FLNB: variants seen among roughly 807,000 people sequenced by gnomAD.
The protein encoded by FLNB is filamin-B.
A neutral mutation model predicts 250.6 loss-of-function variants in FLNB; 111 were observed. That is an observed-to-expected ratio of 0.44 (90% CI 0.38 to 0.52). FLNB has a LOEUF of 0.52. Ranked by LOEUF, FLNB falls within the 20% of genes least tolerant of loss-of-function variation. The pLI is 0.00. For synonymous variants in FLNB, 1,302 were observed against 1,372.1 expected, an observed-to-expected ratio of 0.95 and a Z score of 1.13; for missense variants, 2,869 against 3,447.8, an observed-to-expected ratio of 0.83 and a Z score of 4.20.
chr3:58,155,636 T>G (rs1224047751), intron 40 of FLNB, among the ~76,000 whole-genome samples: 2 of 152,212 alleles, frequency 1.3e-5, no homozygotes, highest in African/African-American at 4.8e-5. Context: ...TTGTCAACAT[T>G]TCTGAAGAAA....
In FLNB at chr3:58,110,068, C is replaced by G. The variant is rs146159035; in HGVS notation, c.2382C>G (p.Asp794Glu). 1 of 1,613,948 alleles carries G rather than the reference C, an allele frequency of 6.2e-7. No homozygotes were observed. The change falls in exon 16 of 46, where the codon GAC (aspartate) becomes GAG (glutamate). Residue 794 changes from aspartate (D) to glutamate (E), a missense_variant. This residue lies in a region of FLNB where 1,348 missense variants were observed against 1,466.7 expected (regional missense o/e 0.92). Transcript: ENST00000295956. ...DARVLSEDEE[D>E]VDFDIIHNAN... is the part of the protein sequence containing the mutation. The stretch of plus-strand genomic sequence containing the variant: ...GGGTGTTAAGTGAAGATGAGGAAGA[C>G]GTGGATTTTGACATTATTCACAATG...
intron 1 of FLNB, among the ~76,000 whole-genome samples, chr3:58,060,410 G>C (rs1379494948): frequency 6.7e-6 from 1 of 148,748 alleles, no homozygotes; most frequent in East Asian, 2.0e-4. Flanking sequence ...CTGGAGTGCA[G>C]TGGCGCAATC....
chr3:58,060,969 G>A (rs1187613345), intron 1 of FLNB, among the ~76,000 whole-genome samples: 1 of 152,118 alleles, frequency 6.6e-6, no homozygotes, highest in African/African-American at 2.4e-5. Context: ...GGGTGTGTCT[G>A]GTGAGGAATG....
rs201509521 is a variant in FLNB, at chr3:58,134,665, G to A, written c.4564G>A (p.Ala1522Thr). ...CACATATGATGCCAGCAAAGTGACTGCCAGTGGCCCCGGCCTTAGTTCCTA... is the reference window on the plus strand; with the variant it reads ...CACATATGATGCCAGCAAAGTGACTACCAGTGGCCCCGGCCTTAGTTCCTA... ...LPTYDASKVT[A>T]SGPGLSSYGV... The change falls in exon 27 of 46, where the codon GCC (alanine) becomes ACC (threonine). Residue 1522 changes from alanine to threonine, a missense_variant. This residue lies in a region of FLNB where 126 missense variants were observed against 182.0 expected (regional missense o/e 0.69). Coordinates refer to ENST00000295956, the MANE Select transcript of FLNB (RefSeq NM_001457.4). 6.2e-7 allele frequency: 1 copy of A among 1,614,154 alleles called. No individual in the cohort carries two copies. The highest frequency in any genetic ancestry group is 2.2e-5 in the East Asian group (1 of 44,886).
chr3:58,136,756 T>C (rs2097316838), intron 28 of FLNB, among the ~76,000 whole-genome samples: 1 of 139,964 alleles, frequency 7.1e-6, no homozygotes, highest in Non-Finnish European at 1.5e-5. Flanking sequence ...CTTTTTTTTT[T>C]TTTTTTTTTT....
At chr3:58,059,115 G>A (rs971852424) in intron 1 of FLNB, among the ~76,000 whole-genome samples, 1 of 152,164 alleles carries the variant, frequency 6.6e-6, no homozygotes, top group African/African-American at 2.4e-5. Flanking sequence ...TTAGTCTAGT[G>A]TGCCCCCAGT....
At chr3:58,074,236 G>A (rs2097198634) in intron 1 of FLNB, among the ~76,000 whole-genome samples, 2 of 152,218 alleles carry the variant, frequency 1.3e-5, no homozygotes, top group Non-Finnish European at 2.9e-5. Flanking sequence ...CCCCAGGCCT[G>A]TTAAATCAGA....
chr3:58,138,486 G>A lies in FLNB; in HGVS notation c.5066G>A (p.Arg1689His), dbSNP rs139001404. The A allele has an allele frequency of 1.4e-5, 22 of 1,614,020 alleles. No homozygotes were observed. The highest frequency in any genetic ancestry group is 3.3e-5 in the Admixed American group (2 of 60,012). ...AKPGTYVIYV[R>H]FGGVDIPNSP... ...CCGGGCACATATGTGATCTATGTGC[G>A]CTTCGGTGGTGTTGATATTCCTAAC... Residue 1689 changes from arginine to histidine, a missense_variant, in exon 29 of 46, where the codon CGC becomes CAC. Physicochemically the swap from Arg to His is conservative, Grantham distance 29. Coordinates refer to ENST00000295956, the MANE Select transcript of FLNB (RefSeq NM_001457.4).
chr3:58,128,132 G>A (rs1362722282), intron 24 of FLNB, among the ~76,000 whole-genome samples: 1 of 152,194 alleles, frequency 6.6e-6, no homozygotes, highest in Non-Finnish European at 1.5e-5. Context: ...GAGAGGGGAA[G>A]GGCAGGTTGA....
At position 58,027,430 on chromosome 3, in the gene FLNB, C is replaced by T. The variant is rs7637371; in HGVS notation, c.292+18574C>T. Among the ~76,000 whole-genome samples, 1,017 of 152,230 alleles carry T rather than the reference C, an allele frequency of 6.7e-3. 3 individuals are homozygous for T. Among genetic ancestry groups the T allele is most frequent in the Non-Finnish European group, 0.011 (743 of 68,014 alleles). ...TGTTAGGATTACAGGTGTGAGCCAC[C>T]GTGCCTGGCCTCAGCTAACTTTTGT... On this transcript the variant is annotated intron_variant, in intron 1 of 45. Coordinates refer to ENST00000295956, the MANE Select transcript of FLNB (RefSeq NM_001457.4).
intron 1 of FLNB, among the ~76,000 whole-genome samples, chr3:58,056,503 T>C (rs1559662228): frequency 6.6e-6 from 1 of 152,200 alleles, no homozygotes; most frequent in Admixed American, 6.5e-5. Flanking sequence ...TGTTGGTGTT[T>C]ATTGCTGTAA....
rs1023465294 is a variant in FLNB at position 58,108,405 on chromosome 3, G to A, written c.1942-53G>A. On this transcript the variant is annotated intron_variant, in intron 12 of 45. Coordinates refer to ENST00000295956, the MANE Select transcript of FLNB (RefSeq NM_001457.4). ...CCCTGGTTACCTGTCTTTGTATAAG[G>A]GTTTAGTTGGGGCATTACACAGAAA... 2.6e-6 allele frequency: 3 copies of A among 1,147,406 alleles called. No homozygotes were observed. In the Admixed American group the frequency reaches 5.3e-5, roughly 20 times the overall value. 71.1% of individuals were successfully genotyped at this position (1,147,406 alleles called of 1,614,324 possible).
At chr3:58,132,472 CA>C in intron 25 of FLNB, 1 of 435,998 alleles carries the variant, frequency 2.3e-6, no homozygotes, top group Non-Finnish European at 4.2e-6. Context: ...CGTGCCTAAC[CA>C]GCTTGAAAGG....
chr3:58,073,723 T>G (rs1269871585), intron 1 of FLNB, among the ~76,000 whole-genome samples: 2 of 152,170 alleles, frequency 1.3e-5, no homozygotes, highest in Non-Finnish European at 2.9e-5. Context: ...AGGTGCCATC[T>G]AGGGTGTGTT....
intron 1 of FLNB, among the ~76,000 whole-genome samples, chr3:58,051,809 A>G (rs866629704): frequency 3.9e-5 from 6 of 152,102 alleles, no homozygotes; most frequent in Non-Finnish European, 8.8e-5. Flanking sequence ...CCAAGGTCAT[A>G]TCCCCGGCAT....
chr3:58,056,807 T>G (rs1056699448), intron 1 of FLNB, among the ~76,000 whole-genome samples: 1 of 152,020 alleles, frequency 6.6e-6, no homozygotes, highest in Non-Finnish European at 1.5e-5. Flanking sequence ...GTCAGGATAG[T>G]CTTGATCTCC....
intron 29 of FLNB, among the ~76,000 whole-genome samples, chr3:58,140,613 T>C (rs2097325245): frequency 1.3e-5 from 2 of 152,158 alleles, no homozygotes; most frequent in Non-Finnish European, 1.5e-5. Context: ...ATTAAATCTT[T>C]TTTGTTTTTT....
chr3:58,144,859 G>A (rs188847901), intron 32 of FLNB, among the ~76,000 whole-genome samples: 67 of 152,346 alleles, frequency 4.4e-4, no homozygotes, highest in Middle Eastern at 3.4e-3. Flanking sequence ...TTGTGAATGA[G>A]ACCACACAAC....
At chr3:58,050,021 C>CTTTT (rs34910480) in intron 1 of FLNB, among the ~76,000 whole-genome samples, 12 of 130,480 alleles carry the variant, frequency 9.2e-5, no homozygotes, top group Non-Finnish European at 1.2e-4. Context: ...TAGAAAATGC[C>CTTTT]TTTTTTTTTT....
Sources: gnomAD v4.1 joint callset for allele counts (sites outside exome capture counted in the v4.1 genomes callset) on GRCh38, gnomAD v4.1.1 for gene constraint, gnomAD v4.1.1 regional missense constraint, MANE v1.5 for transcripts, NCBI Gene and HGNC (gene_info 2026-07-23, HGNC 2026-07-21) for gene names.